TENM3: variants seen among roughly 807,000 people sequenced by gnomAD.
TENM3 encodes teneurin-3.
A neutral mutation model predicts 255.1 loss-of-function variants in TENM3; 63 were observed. That is an observed-to-expected ratio of 0.25 (90% CI 0.20 to 0.30). TENM3 has a LOEUF of 0.30. Among genes scored for constraint, TENM3 ranks in the 10% least tolerant of loss-of-function variants. The pLI, the probability that TENM3 is intolerant of heterozygous loss-of-function variation, is 1.00. For missense variants in TENM3, 2,929 were observed against 3,461.1 expected (o/e 0.85, Z 3.86); for synonymous variants, 1,306 against 1,322.3 (o/e 0.99, Z 0.27).
At chr4:182,189,158 A>T (rs950089631) in intron 1 of TENM3, among the ~76,000 whole-genome samples, 1 of 151,842 alleles carries the variant, frequency 6.6e-6, no homozygotes, top group African/African-American at 2.4e-5. Flanking sequence ...AGTGCTATTC[A>T]TCTATTTTTT....
At chr4:182,172,329 T>C (rs1038218451) in intron 1 of TENM3, among the ~76,000 whole-genome samples, 1 of 152,164 alleles carries the variant, frequency 6.6e-6, no homozygotes, top group Non-Finnish European at 1.5e-5. Flanking sequence ...CAAAGTGAGA[T>C]AAGACACGTC....
the TENM3 span, among the ~76,000 whole-genome samples, chr4:182,061,466 G>C: frequency 0.062 from 9,411 of 152,134 alleles, 403 homozygotes; most frequent in Middle Eastern, 0.12. Flanking sequence ...TCATACATCA[G>C]TTTTGATTAC....
At chr4:181,857,551 C>CAAAAA in the TENM3 span, among the ~76,000 whole-genome samples, 238 of 104,450 alleles carry the variant, frequency 2.3e-3, no homozygotes, top group Middle Eastern at 4.9e-3. Context: ...CCTGTCTCTA[C>CAAAAA]AAAAAAAAAA....
chr4:182,283,534 GAT>G (rs1284580880), intron 1 of TENM3, among the ~76,000 whole-genome samples: 1 of 152,176 alleles, frequency 6.6e-6, no homozygotes, highest in African/African-American at 2.4e-5. Flanking sequence ...CTAGGATAAA[GAT>G]ATATATGTAA....
the TENM3 span, among the ~76,000 whole-genome samples, chr4:181,994,351 G>T: frequency 6.6e-6 from 1 of 151,944 alleles, no homozygotes; most frequent in Non-Finnish European, 1.5e-5. Context: ...ATACAATAAG[G>T]ATGTCTTAAA....
At chr4:181,876,228 T>C in the TENM3 span, among the ~76,000 whole-genome samples, 4 of 152,250 alleles carry the variant, frequency 2.6e-5, no homozygotes, top group Admixed American at 2.6e-4. Flanking sequence ...TGTTGAACTT[T>C]CAAATCTTAT....
intron 1 of TENM3, among the ~76,000 whole-genome samples, chr4:182,185,227 T>C (rs559512885): frequency 5.9e-5 from 9 of 152,216 alleles, no homozygotes; most frequent in African/African-American, 2.2e-4. Context: ...ATCCAAGCAA[T>C]GTAACCTATT....
At chr4:181,982,599 C>A in the TENM3 span, among the ~76,000 whole-genome samples, 2 of 152,094 alleles carry the variant, frequency 1.3e-5, no homozygotes, top group Admixed American at 1.3e-4. Context: ...TACTAAATTG[C>A]ATACTCGAAG....
chr4:182,313,584 G>A (rs1006702945), intron 1 of TENM3, among the ~76,000 whole-genome samples: 12 of 151,972 alleles, frequency 7.9e-5, no homozygotes, highest in Non-Finnish European at 1.3e-4. Context: ...AAAGCTAGGA[G>A]GGCAATTATT....
intron 3 of TENM3, among the ~76,000 whole-genome samples, chr4:182,420,612 A>C (rs1367446268): frequency 1.3e-5 from 2 of 152,236 alleles, no homozygotes; most frequent in Non-Finnish European, 2.9e-5. Flanking sequence ...GAAAGAGATT[A>C]TTAGGCTCAG....
At chr4:181,599,863 T>C in the TENM3 span, among the ~76,000 whole-genome samples, 1 of 152,208 alleles carries the variant, frequency 6.6e-6, no homozygotes, top group Admixed American at 6.5e-5. Flanking sequence ...ATTACACAAA[T>C]TTATTAACAC....
At chr4:181,906,888 T>G in the TENM3 span, among the ~76,000 whole-genome samples, 1 of 152,106 alleles carries the variant, frequency 6.6e-6, no homozygotes, top group Non-Finnish European at 1.5e-5. Flanking sequence ...TTTTTATTTT[T>G]TATTTTTTGA....
chr4:181,548,588 C>T, the TENM3 span, among the ~76,000 whole-genome samples: 2 of 152,028 alleles, frequency 1.3e-5, no homozygotes, highest in Non-Finnish European at 2.9e-5. Flanking sequence ...ATATAATTTC[C>T]ACGTGGATTC....
At chr4:182,708,716 T>G (rs147497048) in intron 12 of TENM3, among the ~76,000 whole-genome samples, 42,548 of 150,174 alleles carry the variant, frequency 0.28, 6,235 homozygotes, top group Middle Eastern at 0.36. Context: ...GAGAATGGCG[T>G]GAACCCGGGA....
intron 3 of TENM3, among the ~76,000 whole-genome samples, chr4:182,480,061 T>A (rs554554948): frequency 4.4e-4 from 67 of 152,158 alleles, no homozygotes; most frequent in African/African-American, 1.4e-3. Flanking sequence ...CAGGAAGTAT[T>A]TGATTATAGT....
At chr4:182,283,315 C>G (rs111871620) in intron 1 of TENM3, among the ~76,000 whole-genome samples, 1 of 152,200 alleles carries the variant, frequency 6.6e-6, no homozygotes, top group African/African-American at 2.4e-5. Flanking sequence ...AAACGGGGGC[C>G]TTTGTTTACC....
At chr4:181,819,283 A>C in the TENM3 span, among the ~76,000 whole-genome samples, 1 of 152,172 alleles carries the variant, frequency 6.6e-6, no homozygotes, top group East Asian at 1.9e-4. Context: ...AGTCCCACCC[A>C]AAACGAGATC....
intron 1 of TENM3, among the ~76,000 whole-genome samples, chr4:182,256,531 TA>T: frequency 6.6e-6 from 1 of 152,172 alleles, no homozygotes; most frequent in Non-Finnish European, 1.5e-5. Context: ...TTTAAGATCC[TA>T]AAACTCTCAA....
the TENM3 span, among the ~76,000 whole-genome samples, chr4:181,476,215 T>TTTTTG: frequency 6.6e-6 from 1 of 150,880 alleles, no homozygotes; most frequent in Non-Finnish European, 1.5e-5. Context: ...GGTTTTTTTT[T>TTTTTG]TTTTTTTTTG....
Sources: allele counts gnomAD v4.1 joint callset (sites outside exome capture counted in the v4.1 genomes callset), GRCh38; gene constraint gnomAD v4.1.1; transcripts MANE v1.5; gene names NCBI Gene and HGNC (gene_info 2026-07-23, HGNC 2026-07-21).